FHIT: variants seen among roughly 807,000 people sequenced by gnomAD.
FHIT encodes bis(5'-adenosyl)-triphosphatase.
A neutral mutation model predicts 17.9 loss-of-function variants in FHIT; 19 were observed. The observed-to-expected ratio is 1.06, with a 90% CI of 0.74 to 1.56. FHIT has a LOEUF of 1.56. Ranked by LOEUF, FHIT falls within the 40% of genes most tolerant of loss-of-function variation. The probability of loss-of-function intolerance (pLI) is 0.00; values close to 1 mark genes in which losing one functional copy is unlikely to be tolerated. For synonymous variants in FHIT, 81 were observed against 69.7 expected, an observed-to-expected ratio of 1.16 and a Z score of -0.81; for missense variants, 248 against 189.2, an observed-to-expected ratio of 1.31 and a Z score of -1.82.
intron 5 of FHIT, among the ~76,000 whole-genome samples, chr3:60,051,064 G>A (rs191283493): frequency 3.9e-5 from 6 of 152,178 alleles, no homozygotes; most frequent in South Asian, 2.1e-4. Flanking sequence ...ATTATAACAC[G>A]GGGCATCAAT....
chr3:60,909,150 C>T (rs1485852544), intron 3 of FHIT, among the ~76,000 whole-genome samples: 2 of 152,038 alleles, frequency 1.3e-5, no homozygotes, highest in African/African-American at 4.8e-5. Context: ...ATGGGTGGAT[C>T]ACGAGGTCAG....
At chr3:60,529,332 G>A (rs2035686011) in intron 5 of FHIT, among the ~76,000 whole-genome samples, 1 of 152,090 alleles carries the variant, frequency 6.6e-6, no homozygotes, top group Admixed American at 6.6e-5. Context: ...ACTATTAGGA[G>A]AGGAAAGCTA....
chr3:60,744,114 A>G (rs1326278205), intron 4 of FHIT, among the ~76,000 whole-genome samples: 1 of 152,072 alleles, frequency 6.6e-6, no homozygotes, highest in African/African-American at 2.4e-5. Context: ...CTCTGACCTG[A>G]GACCACAAAA....
intron 4 of FHIT, among the ~76,000 whole-genome samples, chr3:60,666,864 CTT>C (rs71092626): frequency 1.4e-4 from 17 of 122,172 alleles, no homozygotes; most frequent in East Asian, 9.0e-4. Context: ...CTTTTCTTTT[CTT>C]TTTTTTTTTT....
intron 3 of FHIT, among the ~76,000 whole-genome samples, chr3:60,968,958 G>C (rs1352102048): frequency 1.3e-5 from 2 of 151,804 alleles, no homozygotes; most frequent in African/African-American, 4.8e-5. Flanking sequence ...TATATCACTG[G>C]ATTTGATTTA....
chr3:60,308,637 G>T (rs1025572087), intron 5 of FHIT, among the ~76,000 whole-genome samples: 8 of 151,878 alleles, frequency 5.3e-5, no homozygotes, highest in African/African-American at 1.9e-4. Flanking sequence ...TTGCATGAGA[G>T]CATGAATTTG....
At chr3:59,827,784 T>C (rs1338412427) in intron 8 of FHIT, among the ~76,000 whole-genome samples, 2 of 152,258 alleles carry the variant, frequency 1.3e-5, no homozygotes, top group Non-Finnish European at 2.9e-5. Context: ...TTACTTTGGT[T>C]GTGTAGGCAC....
At chr3:60,007,458 C>T (rs1170910651) in intron 7 of FHIT, among the ~76,000 whole-genome samples, 2 of 152,240 alleles carry the variant, frequency 1.3e-5, no homozygotes, top group Middle Eastern at 3.4e-3. Flanking sequence ...TTATGAGATT[C>T]GTTCCAACAA....
chr3:60,973,418 T>C (rs1417215968), intron 3 of FHIT, among the ~76,000 whole-genome samples: 1 of 152,138 alleles, frequency 6.6e-6, no homozygotes, highest in African/African-American at 2.4e-5. Flanking sequence ...CTTTATATTT[T>C]GTTGTCTCTC....
chr3:60,985,971 C>T (rs1466486037), intron 3 of FHIT, among the ~76,000 whole-genome samples: 1 of 152,182 alleles, frequency 6.6e-6, no homozygotes, highest in African/African-American at 2.4e-5. Context: ...TCACTCCAAC[C>T]TCTTACTGCT....
intron 5 of FHIT, among the ~76,000 whole-genome samples, chr3:60,130,358 C>T (rs559184623): frequency 1.3e-5 from 2 of 152,262 alleles, no homozygotes; most frequent in South Asian, 2.1e-4. Flanking sequence ...CTCAGGCTAA[C>T]GGCTGGCTAT....
intron 3 of FHIT, among the ~76,000 whole-genome samples, chr3:60,997,646 A>G (rs1291371411): frequency 6.6e-6 from 1 of 152,164 alleles, no homozygotes; most frequent in Admixed American, 6.5e-5. Flanking sequence ...CAGTATTTAC[A>G]TTACTGACCT....
intron 5 of FHIT, among the ~76,000 whole-genome samples, chr3:60,415,854 A>G (rs1426101940): frequency 7.1e-6 from 1 of 140,822 alleles, no homozygotes; most frequent in African/African-American, 2.5e-5. Context: ...GGATTTTTAT[A>G]TAAGATATTA....
intron 4 of FHIT, chr3:60,553,338 C>T: frequency 1.1e-6 from 1 of 916,822 alleles, no homozygotes; most frequent in Non-Finnish European, 1.3e-6. Context: ...ACCTATGACT[C>T]AAGTGAGGAC....
At chr3:60,875,653 T>C (rs574356234) in intron 3 of FHIT, among the ~76,000 whole-genome samples, 1 of 152,122 alleles carries the variant, frequency 6.6e-6, no homozygotes, top group Non-Finnish European at 1.5e-5. Context: ...GGTAAAATGA[T>C]AATTTTTGAG....
In FHIT at chr3:61,116,691, TA is replaced by T. The variant is rs540830255; in HGVS notation, c.-163-74593del. Among the ~76,000 whole-genome samples, 229 of 152,246 alleles carry T rather than the reference TA, an allele frequency of 1.5e-3. 4 individuals carry two copies. In the South Asian group the frequency reaches 0.046, roughly 31 times the overall value. ...AGATGAGGATACAAACACAGAAAGT[TA>T]AAGTATCTTTCAAAGCACCATAATT... On this transcript the variant is annotated intron_variant, in intron 2 of 9. Transcript: ENST00000492590.
chr3:60,981,383 C>A (rs1215020791), intron 3 of FHIT, among the ~76,000 whole-genome samples: 1 of 148,464 alleles, frequency 6.7e-6, no homozygotes. Context: ...TAGCTCACTG[C>A]AATCTCCACC....
chr3:59,965,332 A>G (rs3772466), intron 7 of FHIT, among the ~76,000 whole-genome samples: 15,236 of 152,122 alleles, frequency 0.1, 938 homozygotes, highest in Admixed American at 0.14. Flanking sequence ...ACATGCATAT[A>G]TATGTGACAA....
intron 4 of FHIT, among the ~76,000 whole-genome samples, chr3:60,716,462 G>T (rs1223933280): frequency 6.6e-6 from 1 of 151,846 alleles, no homozygotes; most frequent in Non-Finnish European, 1.5e-5. Flanking sequence ...CACCCGGATG[G>T]TATCATCAAT....
Sources: allele counts gnomAD v4.1 joint callset (sites outside exome capture counted in the v4.1 genomes callset), GRCh38; gene constraint gnomAD v4.1.1; transcripts MANE v1.5; gene names NCBI Gene and HGNC (gene_info 2026-07-23, HGNC 2026-07-21).